FNBP1L: variants seen among roughly 807,000 people sequenced by gnomAD.
FNBP1L encodes the protein formin-binding protein 1-like.
Under a neutral mutation model 91.2 loss-of-function variants are expected in FNBP1L, and 36 were observed. That is an observed-to-expected ratio of 0.39 (90% CI 0.30 to 0.52). FNBP1L has a LOEUF of 0.52. Ranked by LOEUF, FNBP1L falls within the 20% of genes least tolerant of loss-of-function variation. The pLI, the probability that FNBP1L is intolerant of heterozygous loss-of-function variation, is 0.66. For synonymous variants in FNBP1L, 242 were observed against 237.0 expected (o/e 1.02, Z -0.19); for missense variants, 571 against 732.1 (o/e 0.78, Z 2.54).
intron 2 of FNBP1L, among the ~76,000 whole-genome samples, chr1:93,516,951 C>A (rs1352303539): frequency 2.6e-5 from 4 of 151,928 alleles, no homozygotes; most frequent in Non-Finnish European, 5.9e-5. Flanking sequence ...GTTTTATTAT[C>A]TTTGATGATA....
At chr1:93,466,195 CTTTAG>C (rs1669072953) in intron 1 of FNBP1L, among the ~76,000 whole-genome samples, 1 of 152,088 alleles carries the variant, frequency 6.6e-6, no homozygotes, top group South Asian at 2.1e-4. Flanking sequence ...TGCAGAAGCT[CTTTAG>C]TTTAATTAGA....
At chr1:93,540,875 T>G (rs1443096638) in intron 10 of FNBP1L, among the ~76,000 whole-genome samples, 167 bp from the exon 11 acceptor site, 5 of 151,756 alleles carry the variant, frequency 3.3e-5, no homozygotes, top group African/African-American at 1.2e-4. Flanking sequence ...AGTAATTTAC[T>G]TTCCCAAAAT....
chr1:93,503,431 C>G (rs1277469406), intron 2 of FNBP1L, among the ~76,000 whole-genome samples: 1 of 152,156 alleles, frequency 6.6e-6, no homozygotes, highest in African/African-American at 2.4e-5. Flanking sequence ...ATCATATCAA[C>G]TATATTCCTG....
intron 2 of FNBP1L, among the ~76,000 whole-genome samples, chr1:93,512,929 G>C (rs986590898): frequency 6.6e-6 from 1 of 151,834 alleles, no homozygotes; most frequent in Non-Finnish European, 1.5e-5. Flanking sequence ...AATCAGAGCA[G>C]AACTGAAGGA....
chr1:93,462,777 A>C (rs1362916219), intron 1 of FNBP1L, among the ~76,000 whole-genome samples: 1 of 152,118 alleles, frequency 6.6e-6, no homozygotes, highest in African/African-American at 2.4e-5. Context: ...GATCTTGGTC[A>C]CCTGGCTAAA....
chr1:93,493,021 T>C (rs1279833994), intron 1 of FNBP1L, among the ~76,000 whole-genome samples: 1 of 152,134 alleles, frequency 6.6e-6, no homozygotes, highest in Non-Finnish European at 1.5e-5. Flanking sequence ...AATGGCACTT[T>C]GGGAGGCCAA....
intron 1 of FNBP1L, among the ~76,000 whole-genome samples, chr1:93,459,102 C>A (rs183885962): frequency 2.0e-5 from 3 of 152,220 alleles, no homozygotes; most frequent in Non-Finnish European, 4.4e-5. Context: ...TGACAAAACA[C>A]CGTCTCCACT....
rs1340937082 is a variant in FNBP1L at position 93,530,823 on chromosome 1, A to G, written c.579A>G (p.Leu193=). 1 of 1,568,060 alleles carries G rather than the reference A, an allele frequency of 6.4e-7. No homozygotes were observed. Among genetic ancestry groups the G allele is most frequent in the East Asian group, 2.3e-5 (1 of 43,180 alleles). The change falls in exon 7 of 17, where the codon TTA becomes TTG. Residue 193 remains leucine (L), a synonymous_variant. Coordinates refer to ENST00000271234, the MANE Select transcript of FNBP1L (RefSeq NM_001164473.3). Reference sequence around the variant, plus strand: ...ATAAAAATGAATATGCTGCACAATTACAAAACTTTAATGGAGAACAACATA... The same window carrying G: ...ATAAAAATGAATATGCTGCACAATTGCAAAACTTTAATGGAGAACAACATA... The part of the protein sequence containing the change: ...DENKNEYAAQ[L]QNFNGEQHKH...
chr1:93,551,538 A>G (rs1672416477), intron 16 of FNBP1L: 1 of 985,708 alleles, frequency 1.0e-6, no homozygotes, highest in African/African-American at 1.7e-5. Context: ...CCGACTCCCC[A>G]AAGAGTGGTT....
Position 93,545,316 on chromosome 1 carries a change from C to T in FNBP1L, c.1274+1100C>T, listed in dbSNP as rs554740918. On this transcript the variant is annotated intron_variant, in intron 12 of 16. Transcript: ENST00000271234. ...GATACATGTCCAGAATATGAGAATA[C>T]GAGCAAGAAGGCCAGAGTGTCACTG... is the stretch of plus-strand genomic sequence containing the variant. Among the ~76,000 whole-genome samples the T allele has an allele frequency of 3.9e-5, 6 of 152,146 alleles. No homozygotes were observed. The South Asian group carries it at 8.3e-4, about 21-fold the overall frequency.
chr1:93,462,076 C>G (rs1466053284), intron 1 of FNBP1L, among the ~76,000 whole-genome samples: 1 of 152,086 alleles, frequency 6.6e-6, no homozygotes, highest in Non-Finnish European at 1.5e-5. Flanking sequence ...GTTGACCTGA[C>G]TCAAGACAGA....
At chr1:93,511,752 G>A (rs1670852402) in intron 2 of FNBP1L, among the ~76,000 whole-genome samples, 2 of 151,960 alleles carry the variant, frequency 1.3e-5, no homozygotes, top group South Asian at 2.1e-4. Context: ...GGATCACGAG[G>A]TCAGGAGATC....
intron 10 of FNBP1L, among the ~76,000 whole-genome samples, chr1:93,539,641 A>G (rs1248259469): frequency 3.3e-5 from 5 of 152,180 alleles, no homozygotes; most frequent in African/African-American, 1.2e-4. Flanking sequence ...AGTCAAATTC[A>G]TATACTTCAA....
chr1:93,465,537 C>A (rs1669046342), intron 1 of FNBP1L, among the ~76,000 whole-genome samples: 1 of 152,150 alleles, frequency 6.6e-6, no homozygotes, highest in African/African-American at 2.4e-5. Context: ...ATGAACTCAT[C>A]CTTTTTGATG....
intron 2 of FNBP1L, among the ~76,000 whole-genome samples, chr1:93,518,768 T>C (rs1434687431): frequency 6.6e-6 from 1 of 152,220 alleles, no homozygotes; most frequent in Non-Finnish European, 1.5e-5. Flanking sequence ...AGTGTTCTTT[T>C]AGTGTATTTA....
intron 5 of FNBP1L, among the ~76,000 whole-genome samples, chr1:93,529,150 A>G (rs1033303663): frequency 5.3e-5 from 8 of 152,066 alleles, no homozygotes; most frequent in African/African-American, 1.9e-4. Context: ...AAACCAACTG[A>G]ACAAAAAACA....
intron 1 of FNBP1L, among the ~76,000 whole-genome samples, chr1:93,449,179 G>C (rs1668392076): frequency 6.6e-6 from 1 of 152,170 alleles, no homozygotes; most frequent in Admixed American, 6.5e-5. Context: ...ACAATGCCCA[G>C]TGTCTGGCCA....
chr1:93,542,443 G>GAA (rs61650755), intron 11 of FNBP1L, among the ~76,000 whole-genome samples: 5,780 of 82,260 alleles, frequency 0.07, 514 homozygotes, highest in African/African-American at 0.17. Flanking sequence ...ATTGGTAAAT[G>GAA]AAAAAAAAAA....
chr1:93,459,940 G>GGTGTGTGT (rs1557773915), intron 1 of FNBP1L, among the ~76,000 whole-genome samples: 34 of 54,900 alleles, frequency 6.2e-4, no homozygotes, highest in African/African-American at 1.6e-3. Context: ...TTGGATTTCA[G>GGTGTGTGT]ATGTGTGTGT....
Sources: allele counts gnomAD v4.1 joint callset (sites outside exome capture counted in the v4.1 genomes callset), GRCh38; gene constraint gnomAD v4.1.1; transcripts MANE v1.5; gene names NCBI Gene and HGNC (gene_info 2026-07-23, HGNC 2026-07-21).